CDH20: variants seen among roughly 807,000 people sequenced by gnomAD.
CDH20 encodes cadherin-20.
Under a neutral mutation model 74.2 loss-of-function variants are expected in CDH20, and 29 were observed. That is an observed-to-expected ratio of 0.39 (90% CI 0.29 to 0.53). The LOEUF is 0.53. Among genes scored for constraint, CDH20 ranks in the 20% least tolerant of loss-of-function variants. The pLI is 0.69. For missense variants in CDH20, 988 were observed against 1,048.3 expected, an observed-to-expected ratio of 0.94 and a Z score of 0.79; for synonymous variants, 469 against 405.4, an observed-to-expected ratio of 1.16 and a Z score of -1.88.
intron 1 of CDH20, chr18:61,391,813 TAA>T (rs150202221): frequency 6.6e-6 from 1 of 151,812 alleles, no homozygotes; most frequent in African/African-American, 2.4e-5. Flanking sequence ...GCAAAAATTT[TAA>T]AAAAAATAAA....
intron 1 of CDH20, among the ~76,000 whole-genome samples, chr18:61,363,861 C>T (rs991035420): frequency 6.6e-6 from 1 of 151,992 alleles, no homozygotes; most frequent in Non-Finnish European, 1.5e-5. Context: ...AACTTTATGA[C>T]CTAAATGAAA....
intron 11 of CDH20, 39 bp from the exon 12 acceptor site, chr18:61,554,151 T>C (rs775290762): frequency 4.4e-6 from 7 of 1,578,358 alleles, no homozygotes; most frequent in Admixed American, 3.4e-5. Context: ...CACAGCCACA[T>C]CTCCTCGGTA....
intron 1 of CDH20, among the ~76,000 whole-genome samples, chr18:61,358,076 C>T (rs1267959230): frequency 6.6e-6 from 1 of 151,962 alleles, no homozygotes; most frequent in Non-Finnish European, 1.5e-5. Context: ...TCTCATCCCA[C>T]CTCCAATCAC....
intron 6 of CDH20, among the ~76,000 whole-genome samples, chr18:61,517,012 C>T (rs1207640180): frequency 6.6e-6 from 1 of 152,114 alleles, no homozygotes; most frequent in Non-Finnish European, 1.5e-5. Context: ...AAAACTCACG[C>T]TAGTGCTTTC....
intron 7 of CDH20, among the ~76,000 whole-genome samples, chr18:61,531,707 C>T (rs776151159): frequency 1.3e-5 from 2 of 152,128 alleles, no homozygotes; most frequent in African/African-American, 4.8e-5. Flanking sequence ...GTGTCAAGGG[C>T]GGGACCAGGT....
Position 61,355,710 on chromosome 18 carries a change from G to T in CDH20, c.-153+21883G>T, listed in dbSNP as rs189586828. On this transcript the variant is annotated intron_variant, in intron 1 of 11. Transcript: ENST00000262717. ...CAAGTACAGATGCTGAAAGAATGAAGAAAATGGAGTAGCACTGTCAAGCCC... is the reference window on the plus strand; with the variant it reads ...CAAGTACAGATGCTGAAAGAATGAATAAAATGGAGTAGCACTGTCAAGCCC... Among the ~76,000 whole-genome samples, 316 of 152,148 alleles carry T rather than the reference G, an allele frequency of 2.1e-3. 1 individual carries two copies. The highest frequency in any genetic ancestry group is 9.8e-4 in the Admixed American group (15 of 15,266).
intron 7 of CDH20, among the ~76,000 whole-genome samples, chr18:61,536,237 AC>A (rs1282846952): frequency 6.6e-6 from 1 of 152,208 alleles, no homozygotes; most frequent in East Asian, 1.9e-4. Context: ...ATAGCTTACA[AC>A]TTCCCCAAGA....
intron 7 of CDH20, among the ~76,000 whole-genome samples, chr18:61,535,504 G>A (rs747164222): frequency 5.9e-5 from 9 of 151,940 alleles, no homozygotes; most frequent in Admixed American, 1.3e-4. Context: ...GGGACCAGAC[G>A]AGATAACACA....
intron 5 of CDH20, among the ~76,000 whole-genome samples, chr18:61,504,792 T>C (rs1483479544): frequency 1.3e-5 from 2 of 152,230 alleles, no homozygotes; most frequent in East Asian, 3.9e-4. Flanking sequence ...CAGACCAAGC[T>C]AACCTTCCCT....
intron 1 of CDH20, among the ~76,000 whole-genome samples, chr18:61,460,606 G>A (rs993458301): frequency 1.3e-5 from 2 of 152,094 alleles, no homozygotes; most frequent in Admixed American, 6.6e-5. Context: ...GAAGTCATAC[G>A]CATGACAGAC....
At chr18:61,437,400 G>T (rs1908874482) in intron 1 of CDH20, among the ~76,000 whole-genome samples, 1 of 152,084 alleles carries the variant, frequency 6.6e-6, no homozygotes, top group South Asian at 2.1e-4. Context: ...TGATGAGAAT[G>T]CATAAAATAT....
intron 1 of CDH20, among the ~76,000 whole-genome samples, chr18:61,340,468 G>C (rs1909911647): frequency 6.6e-6 from 1 of 151,906 alleles, no homozygotes. Flanking sequence ...TTTTTTGTTG[G>C]TGTTCTTTAG....
At position 61,460,448 on chromosome 18, in the gene CDH20, A is replaced by G. The variant is rs141370301; in HGVS notation, c.-152-29954A>G. Among the ~76,000 whole-genome samples the G allele has an allele frequency of 4.3e-4, 65 of 152,326 alleles. 1 individual carries two copies. The East Asian group carries it at 6.4e-3, about 15-fold the overall frequency. Reference sequence around the variant, plus strand: ...GCTGAGTAAGATCCAAAACACATCTAATTTAACAGGAGGAGCAGCTCACAG... The same window carrying G: ...GCTGAGTAAGATCCAAAACACATCTGATTTAACAGGAGGAGCAGCTCACAG... On this transcript the variant is annotated intron_variant, in intron 1 of 11. Coordinates refer to ENST00000262717, the MANE Select transcript of CDH20 (RefSeq NM_031891.4).
In CDH20 at chr18:61,353,817, C is replaced by T. The variant is rs1200053701; in HGVS notation, c.-153+19990C>T. On this transcript the variant is annotated intron_variant, in intron 1 of 11. Transcript: ENST00000262717. The surrounding 1 kb of genome is among the most constrained non-coding windows in gnomAD (Gnocchi z 4.6). Reference sequence around the variant, plus strand: ...TCAGTTCCAGCCAGTCATGGTGGCTCATGCCTGTAATCCCAGCATTTTAGG... The same window carrying T: ...TCAGTTCCAGCCAGTCATGGTGGCTTATGCCTGTAATCCCAGCATTTTAGG... 6.6e-6 allele frequency among the ~76,000 whole-genome samples: 1 copy of T among 152,112 alleles called. No individual in the cohort carries two copies. The highest frequency in any genetic ancestry group is 1.5e-5 in the Non-Finnish European group (1 of 68,028).
At chr18:61,361,017 T>C (rs1159561182) in intron 1 of CDH20, among the ~76,000 whole-genome samples, 1 of 152,280 alleles carries the variant, frequency 6.6e-6, no homozygotes, top group Non-Finnish European at 1.5e-5. Context: ...GTCGGGGTTC[T>C]TGGTACTATA....
chr18:61,341,250 TG>T (rs1308670956), intron 1 of CDH20, among the ~76,000 whole-genome samples: 1 of 152,232 alleles, frequency 6.6e-6, no homozygotes, highest in East Asian at 1.9e-4. Context: ...GGTGCCAGCA[TG>T]GTCCGTTTCT....
At chr18:61,427,951 C>T (rs538938437) in intron 1 of CDH20, among the ~76,000 whole-genome samples, 2 of 152,282 alleles carry the variant, frequency 1.3e-5, no homozygotes, top group South Asian at 2.1e-4. Flanking sequence ...ATTTGCTGAG[C>T]ACATACTTCG....
At chr18:61,404,890 T>C (rs563107634) in intron 1 of CDH20, 1 of 656,596 alleles carries the variant, frequency 1.5e-6, no homozygotes, top group South Asian at 1.5e-5. Context: ...GGCATGCTTC[T>C]AATGGTGTCA....
At chr18:61,454,936 G>A (rs1909522554) in intron 1 of CDH20, among the ~76,000 whole-genome samples, 1 of 152,194 alleles carries the variant, frequency 6.6e-6, no homozygotes, top group South Asian at 2.1e-4. Context: ...CAAAAGAACT[G>A]AGTACTGATC....
Sources: gnomAD v4.1 joint callset for allele counts (sites outside exome capture counted in the v4.1 genomes callset) on GRCh38, gnomAD v4.1.1 for gene constraint, Gnocchi (gnomAD v3.1) non-coding constraint, MANE v1.5 for transcripts, NCBI Gene and HGNC (gene_info 2026-07-23, HGNC 2026-07-21) for gene names.